AKAP13: variants seen among roughly 807,000 people sequenced by gnomAD.
AKAP13 encodes the protein A-kinase anchor protein 13.
In AKAP13, 80 loss-of-function variants were observed where a neutral mutation model predicts 264.5. The ratio of observed to expected loss-of-function variants is 0.30; its 90% CI spans 0.25 to 0.36. AKAP13 has a LOEUF of 0.36. Among genes scored for constraint, AKAP13 ranks in the 10% least tolerant of loss-of-function variants. The pLI is 1.00. For missense variants in AKAP13, 3,712 were observed against 3,435.2 expected (o/e 1.08, Z -2.01); for synonymous variants, 1,380 against 1,250.2 (o/e 1.10, Z -2.19).
rs34857279 is a variant in AKAP13 at position 85,748,214 on chromosome 15, A to AG, written c.*3539dup. ...GCCCAGCTGTGCCCAGAGGACAGCC[A>AG]GGCAGGCCCTGGGAGGGAGTTTAGA... On this transcript the variant is annotated 3_prime_UTR_variant, in exon 37 of 37. Coordinates refer to ENST00000394518, the MANE Select transcript of AKAP13 (RefSeq NM_007200.5). 0.2 allele frequency: 30,712 copies of AG among 152,226 alleles called. 4,091 individuals are homozygous for AG. The highest frequency in any genetic ancestry group is 0.44 in the Middle Eastern group (128 of 294). The allele number at this position is 152,226 out of a possible 1,614,324, so 9.4% of individuals were successfully genotyped here. A position where few individuals can be genotyped will look rare whatever the true frequency, so the allele number is the denominator to read the frequency against.
chr15:85,526,376 C>T (rs1270134374), intron 3 of AKAP13, among the ~76,000 whole-genome samples: 3 of 152,136 alleles, frequency 2.0e-5, no homozygotes, highest in East Asian at 3.9e-4. Context: ...TCTTATACCT[C>T]AGCCTCCCAA....
chr15:85,421,229 CT>C (rs1339917347), intron 1 of AKAP13, among the ~76,000 whole-genome samples: 9 of 152,138 alleles, frequency 5.9e-5, no homozygotes, highest in Admixed American at 5.9e-4. Context: ...CTTTAGAGTT[CT>C]TGTGGTGCAC....
At chr15:85,525,781 C>T (rs2151170342) in intron 3 of AKAP13, among the ~76,000 whole-genome samples, 1 of 152,208 alleles carries the variant, frequency 6.6e-6, no homozygotes, top group Non-Finnish European at 1.5e-5. Context: ...AAAATCTGGA[C>T]ATCCTTTGAA....
intron 8 of AKAP13, among the ~76,000 whole-genome samples, chr15:85,617,649 G>C (rs2081000931): frequency 2.0e-5 from 3 of 152,184 alleles, no homozygotes; most frequent in South Asian, 2.1e-4. Flanking sequence ...AGAAGGGAGT[G>C]GCAGTGAGGA....
intron 1 of AKAP13, among the ~76,000 whole-genome samples, chr15:85,409,776 G>A (rs986007745): frequency 6.6e-6 from 1 of 151,054 alleles, no homozygotes. Context: ...GACTGCAGGC[G>A]CCCACCACCA....
At chr15:85,549,104 T>G (rs2077860570) in intron 5 of AKAP13, among the ~76,000 whole-genome samples, 1 of 152,182 alleles carries the variant, frequency 6.6e-6, no homozygotes, top group African/African-American at 2.4e-5. Context: ...ACCAGAATCT[T>G]GAAGTATTTT....
intron 5 of AKAP13, among the ~76,000 whole-genome samples, chr15:85,563,433 A>G (rs1412382380): frequency 7.0e-6 from 1 of 141,936 alleles, no homozygotes; most frequent in Non-Finnish European, 1.5e-5. Flanking sequence ...TATTCTGTTG[A>G]TCAATGTAGC....
intron 5 of AKAP13, among the ~76,000 whole-genome samples, chr15:85,567,833 T>G (rs1179040309): frequency 2.0e-5 from 3 of 152,134 alleles, no homozygotes; most frequent in Non-Finnish European, 4.4e-5. Flanking sequence ...TCTTAAACCC[T>G]CAGTAAAATG....
intron 2 of AKAP13, among the ~76,000 whole-genome samples, chr15:85,488,708 A>G (rs1191017088): frequency 1.3e-5 from 2 of 152,216 alleles, no homozygotes; most frequent in East Asian, 3.8e-4. Context: ...TGGAGGAAGG[A>G]GCCCATGAGC....
At chr15:85,610,314 C>T (rs1017936297) in intron 8 of AKAP13, among the ~76,000 whole-genome samples, 2 of 152,268 alleles carry the variant, frequency 1.3e-5, no homozygotes, top group East Asian at 3.9e-4. Flanking sequence ...CCTTCTTTTT[C>T]CATTTCCTTT....
chr15:85,581,098 A>C lies in AKAP13; in HGVS notation c.3030A>C (p.Gln1010His), dbSNP rs1343012406. The C allele has an allele frequency of 1.9e-6, 3 of 1,613,916 alleles. No homozygotes were observed. The highest frequency in any genetic ancestry group is 1.3e-5 in the African/African-American group (1 of 74,936). Reference protein sequence around the residue: ...EVAPQVSLLTQGGAAQSLVPP... With the variant: ...EVAPQVSLLTHGGAAQSLVPP... The stretch of plus-strand genomic sequence containing the variant: ...CCCCACAAGTCTCACTGCTGACTCA[A>C]GGTGGGGCTGCCCAGAGCCTGGTGC... Residue 1010 changes from glutamine to histidine, a missense_variant, in exon 7 of 37, where the codon CAA (glutamine) becomes CAC (histidine). Gln to His is a conservative substitution (Grantham distance 24). Transcript: ENST00000394518.
At chr15:85,632,096 A>G (rs1189478637) in intron 8 of AKAP13, among the ~76,000 whole-genome samples, 2 of 152,318 alleles carry the variant, frequency 1.3e-5, no homozygotes, top group East Asian at 3.9e-4. Context: ...TGGATCGGAA[A>G]TTGTTCCGTA....
rs141822123 is a variant in AKAP13 at position 85,581,019 on chromosome 15, C to T, written c.2951C>T (p.Pro984Leu). The T allele has an allele frequency of 4.0e-5, 64 of 1,613,596 alleles. No individual in the cohort carries two copies. In the African/African-American group the frequency reaches 6.9e-4, roughly 18 times the overall value. The change falls in exon 7 of 37, where the codon CCG (proline) becomes CTG (leucine). Residue 984 changes from proline (P) to leucine (L), a missense_variant. This residue lies in a region of AKAP13 where 2,759 missense variants were observed against 2,411.7 expected (regional missense o/e 1.14). Transcript: ENST00000394518. ...AAAGCACTTCAGCTAAGTAATTCACCGGGTGCATCCTCTGCCTTTCTTAAG... is the reference window on the plus strand; with the variant it reads ...AAAGCACTTCAGCTAAGTAATTCACTGGGTGCATCCTCTGCCTTTCTTAAG... The part of the protein sequence containing the change: ...KDKALQLSNS[P>L]GASSAFLKAE...
At chr15:85,467,101 C>T (rs892649256) in intron 1 of AKAP13, among the ~76,000 whole-genome samples, 13 of 146,276 alleles carry the variant, frequency 8.9e-5, no homozygotes, top group African/African-American at 2.5e-4. Flanking sequence ...CACACACACA[C>T]GTATGTAACT....
intron 33 of AKAP13, 49 bp downstream of exon 33, chr15:85,736,183 T>G: frequency 6.9e-7 from 1 of 1,459,108 alleles, no homozygotes. Context: ...GTTGTCATTG[T>G]CAAGTTAGGA....
chr15:85,563,612 G>A (rs535255365), intron 5 of AKAP13, among the ~76,000 whole-genome samples: 1 of 152,226 alleles, frequency 6.6e-6, no homozygotes, highest in East Asian at 1.9e-4. Context: ...CGCATGAACT[G>A]TTCCTACAAA....
intron 2 of AKAP13, among the ~76,000 whole-genome samples, chr15:85,504,170 G>C (rs1321525607): frequency 6.6e-6 from 1 of 152,156 alleles, no homozygotes; most frequent in Non-Finnish European, 1.5e-5. Context: ...ATAACTGTAA[G>C]ATATAGGTGA....
At chr15:85,563,263 A>G (rs574857323) in intron 5 of AKAP13, among the ~76,000 whole-genome samples, 108 of 149,988 alleles carry the variant, frequency 7.2e-4, no homozygotes, top group Non-Finnish European at 2.2e-4. Context: ...ATGGTGAGCA[A>G]TGTGGGCATG....
intron 2 of AKAP13, among the ~76,000 whole-genome samples, chr15:85,499,776 A>C (rs4344688): frequency 0.51 from 77,052 of 151,068 alleles, 20,098 homozygotes; most frequent in Middle Eastern, 0.61. Context: ...CATCACTCCT[A>C]CTCCTATGCC....
Sources: gnomAD v4.1 joint callset for allele counts (sites outside exome capture counted in the v4.1 genomes callset) on GRCh38, gnomAD v4.1.1 for gene constraint, gnomAD v4.1.1 regional missense constraint, MANE v1.5 for transcripts, NCBI Gene and HGNC (gene_info 2026-07-23, HGNC 2026-07-21) for gene names.